Variants in LHCGR observed in about 807,000 individuals in gnomAD.
LHCGR encodes lutropin-choriogonadotropic hormone receptor.
Under a neutral mutation model 60.7 loss-of-function variants are expected in LHCGR, and 55 were observed. That is an observed-to-expected ratio of 0.91 (90% CI 0.73 to 1.13). The LOEUF (loss-of-function observed/expected upper bound fraction) is 1.13, where lower values mean the gene tolerates loss of function less well. Among genes scored for constraint, LHCGR ranks in the 50% most tolerant of loss-of-function variants. The pLI, the probability that LHCGR is intolerant of heterozygous loss-of-function variation, is 0.00. For synonymous variants in LHCGR, 337 were observed against 316.5 expected (o/e 1.06, Z -0.69); for missense variants, 862 against 836.0 (o/e 1.03, Z -0.38).
chr2:48,726,487 C>A (rs1419593998), intron 3 of LHCGR, among the ~76,000 whole-genome samples: 1 of 152,144 alleles, frequency 6.6e-6, no homozygotes, highest in East Asian at 1.9e-4. Flanking sequence ...GATGTTATTG[C>A]CCTCCCCGCC....
intron 1 of LHCGR, among the ~76,000 whole-genome samples, chr2:48,750,063 T>C (rs1456225443): frequency 6.6e-6 from 1 of 152,212 alleles, no homozygotes; most frequent in Non-Finnish European, 1.5e-5. Context: ...CCTTTGTTTC[T>C]TTAGGGGTGG....
intron 1 of LHCGR, among the ~76,000 whole-genome samples, chr2:48,751,845 A>G (rs1310478399): frequency 6.6e-6 from 1 of 152,226 alleles, no homozygotes; most frequent in Non-Finnish European, 1.5e-5. Flanking sequence ...TAAAAGTTTA[A>G]TTTCTGTTCA....
intron 1 of LHCGR, among the ~76,000 whole-genome samples, chr2:48,753,284 C>T (rs1267134066): frequency 6.6e-6 from 1 of 152,168 alleles, no homozygotes; most frequent in African/African-American, 2.4e-5. Context: ...ACAACCCTCC[C>T]TTTGCTTAAC....
Position 48,688,890 on chromosome 2 carries a change from T to G in LHCGR, c.948-41A>C. 61 of 1,577,526 alleles carry G rather than the reference T, an allele frequency of 3.9e-5. No individual in the cohort carries two copies. The highest frequency in any genetic ancestry group is 4.8e-5 in the Non-Finnish European group (55 of 1,148,254). ...TTGGCTTGAGGTAAGGGATTTTCTC[T>G]GAGTATTAAAAAATTCAAGAATTAT... On this transcript the variant is annotated intron_variant, in intron 10 of 10. Transcript: ENST00000294954. The surrounding 1 kb of genome is among the most constrained non-coding windows in gnomAD (Gnocchi z 5.2).
chr2:48,726,951 T>C (rs1668763671), intron 3 of LHCGR, among the ~76,000 whole-genome samples: 1 of 152,180 alleles, frequency 6.6e-6, no homozygotes, highest in Non-Finnish European at 1.5e-5. Context: ...TGACCCTCAG[T>C]TTAGTGCTTG....
chr2:48,727,660 G>A (rs531104367), intron 3 of LHCGR, among the ~76,000 whole-genome samples: 2 of 152,346 alleles, frequency 1.3e-5, no homozygotes, highest in South Asian at 4.1e-4. Context: ...TGAGCCCAAT[G>A]TGTGATTCTG....
At chr2:48,709,366 A>T (rs1558838862) in intron 7 of LHCGR, among the ~76,000 whole-genome samples, 1 of 152,188 alleles carries the variant, frequency 6.6e-6, no homozygotes, top group Non-Finnish European at 1.5e-5. Flanking sequence ...AGAGGCCAAG[A>T]CTGAACGGCT....
intron 6 of LHCGR, among the ~76,000 whole-genome samples, chr2:48,717,542 C>G (rs949392362): frequency 6.6e-6 from 1 of 150,978 alleles, no homozygotes; most frequent in Non-Finnish European, 1.5e-5. Flanking sequence ...ATGTGTTGAT[C>G]TTATTATTAT....
chr2:48,729,775 C>T (rs1340215861), intron 2 of LHCGR, among the ~76,000 whole-genome samples: 3 of 152,144 alleles, frequency 2.0e-5, no homozygotes, highest in African/African-American at 4.8e-5. Context: ...GGTATCCATC[C>T]TGAATTACAA....
At position 48,722,730 on chromosome 2, in the gene LHCGR, T is replaced by C. The variant is rs533327400; in HGVS notation, c.536+726A>G. ...ATGCTTCCTGCAAAGCCTGCAGAAT[T>C]GTGAGCCAATTAAAACCTCTTTTCT... On this transcript the variant is annotated intron_variant, in intron 6 of 10. Coordinates refer to ENST00000294954, the MANE Select transcript of LHCGR (RefSeq NM_000233.4). Among the ~76,000 whole-genome samples the C allele has an allele frequency of 2.0e-5, 3 of 152,254 alleles. No homozygotes were observed. The East Asian group carries it at 5.8e-4, about 29-fold the overall frequency.
chr2:48,706,594 CT>C (rs959665309), intron 8 of LHCGR, among the ~76,000 whole-genome samples: 6 of 152,024 alleles, frequency 3.9e-5, no homozygotes, highest in Non-Finnish European at 5.9e-5. Context: ...TTTGTTTTCA[CT>C]TTTTTTTCTC....
intron 4 of LHCGR, among the ~76,000 whole-genome samples, chr2:48,724,948 G>C (rs1668654610): frequency 6.6e-6 from 1 of 152,094 alleles, no homozygotes; most frequent in Non-Finnish European, 1.5e-5. Context: ...TACATTCTCT[G>C]AGGAGTTTAT....
intron 8 of LHCGR, among the ~76,000 whole-genome samples, chr2:48,699,661 C>T (rs1667314618): frequency 6.6e-6 from 1 of 152,060 alleles, no homozygotes; most frequent in South Asian, 2.1e-4. Flanking sequence ...AATGCATGTT[C>T]TCTAATGCAT....
At chr2:48,704,650 C>T (rs1667575367) in intron 8 of LHCGR, among the ~76,000 whole-genome samples, 2 of 152,304 alleles carry the variant, frequency 1.3e-5, no homozygotes, top group South Asian at 2.1e-4. Flanking sequence ...TTATCCATTT[C>T]TTCTAGATTT....
rs1181579451 is a variant in LHCGR at position 48,744,438 on chromosome 2, C to G, written c.161+11073G>C. Among the ~76,000 whole-genome samples the G allele has an allele frequency of 4.2e-3, 398 of 95,158 alleles. 1 individual carries two copies. Among genetic ancestry groups the G allele is most frequent in the African/African-American group, 0.017 (381 of 22,478 alleles). The allele number at this position is 95,158 out of a possible 152,430, so 62.4% of individuals were successfully genotyped here. A position where few individuals can be genotyped will look rare whatever the true frequency, so the allele number is the denominator to read the frequency against. On this transcript the variant is annotated intron_variant, in intron 1 of 10. Transcript: ENST00000294954. ...CTGGAGGCATCACACTACCTGACTTCAAACTATACTACAAGGCTACAGTAA... is the reference window on the plus strand; with the variant it reads ...CTGGAGGCATCACACTACCTGACTTGAAACTATACTACAAGGCTACAGTAA...
intron 1 of LHCGR, among the ~76,000 whole-genome samples, chr2:48,750,776 A>G (rs559065792): frequency 6.6e-6 from 1 of 152,196 alleles, no homozygotes; most frequent in Non-Finnish European, 1.5e-5. Flanking sequence ...CTCTAGCACA[A>G]TGATTCAAAA....
chr2:48,687,689 T>C lies in LHCGR; in HGVS notation c.*8A>G, dbSNP rs1351775425. On this transcript the variant is annotated 3_prime_UTR_variant, in exon 11 of 11. Transcript: ENST00000294954. The stretch of plus-strand genomic sequence containing the variant: ...AACAATTCAATAATGCAGTTACTGA[T>C]GTAACAGTTAACACTCTGTGTAGCG... 1.2e-6 allele frequency: 2 copies of C among 1,602,284 alleles called. No individual in the cohort carries two copies. The highest frequency in any genetic ancestry group is 1.7e-6 in the Non-Finnish European group (2 of 1,169,156).
intron 8 of LHCGR, among the ~76,000 whole-genome samples, chr2:48,701,333 C>T (rs183271307): frequency 3.9e-5 from 6 of 152,226 alleles, no homozygotes; most frequent in South Asian, 2.1e-4. Flanking sequence ...CCACAGGCCC[C>T]GCCATGATCC....
At chr2:48,731,184 A>G in intron 2 of LHCGR, 43 bp downstream of exon 2, 2 of 1,337,090 alleles carry the variant, frequency 1.5e-6, no homozygotes, top group Non-Finnish European at 2.1e-6. Flanking sequence ...AAAATTCATT[A>G]TTCCAATTAC....
Sources: allele counts gnomAD v4.1 joint callset (sites outside exome capture counted in the v4.1 genomes callset), GRCh38; gene constraint gnomAD v4.1.1; non-coding constraint Gnocchi (gnomAD v3.1); transcripts MANE v1.5; gene names NCBI Gene and HGNC (gene_info 2026-07-23, HGNC 2026-07-21).